Variants in AFF3 observed in about 807,000 individuals in gnomAD.
AFF3 encodes the protein AF4/FMR2 family member 3.
In AFF3, 32 loss-of-function variants were observed where a neutral mutation model predicts 129.7. The ratio of observed to expected loss-of-function variants is 0.25; its 90% CI spans 0.19 to 0.33. The LOEUF (loss-of-function observed/expected upper bound fraction) is 0.33. Among genes scored for constraint, AFF3 ranks in the 10% least tolerant of loss-of-function variants. The pLI, the probability that AFF3 is intolerant of heterozygous loss-of-function variation, is 1.00. For missense variants in AFF3, 1,373 were observed against 1,592.0 expected, an observed-to-expected ratio of 0.86 and a Z score of 2.34; for synonymous variants, 644 against 635.4, an observed-to-expected ratio of 1.01 and a Z score of -0.20.
chr2:99,701,297 GC>G (rs1676837213), intron 11 of AFF3, among the ~76,000 whole-genome samples: 1 of 151,036 alleles, frequency 6.6e-6, no homozygotes, highest in Non-Finnish European at 1.5e-5. Context: ...GCCTCCTAAT[GC>G]CCAGGAAGCA....
intron 11 of AFF3, chr2:99,707,525 G>A (rs1176286586): frequency 1.0e-6 from 1 of 984,870 alleles, no homozygotes; most frequent in Admixed American, 6.2e-5. Context: ...CTGAAGTTAG[G>A]TAGCCTTCTT....
intron 11 of AFF3, among the ~76,000 whole-genome samples, chr2:99,716,082 C>A (rs1214749729): frequency 6.6e-6 from 1 of 152,122 alleles, no homozygotes; most frequent in African/African-American, 2.4e-5. Context: ...GTGTAATTGA[C>A]CCTTGACTTG....
intron 11 of AFF3, among the ~76,000 whole-genome samples, chr2:99,704,418 C>A (rs1033781121): frequency 6.6e-6 from 1 of 152,134 alleles, no homozygotes; most frequent in Non-Finnish European, 1.5e-5. Flanking sequence ...CCACGTGGCA[C>A]TCTGTAGACA....
At chr2:99,611,536 T>C (rs1680919856) in intron 13 of AFF3, among the ~76,000 whole-genome samples, 2 of 152,146 alleles carry the variant, frequency 1.3e-5, no homozygotes, top group Admixed American at 6.5e-5. Flanking sequence ...GCTTTGCTGA[T>C]GGAGAGGGGG....
chr2:99,968,735 G>C (rs1246134535), intron 7 of AFF3, among the ~76,000 whole-genome samples: 1 of 152,196 alleles, frequency 6.6e-6, no homozygotes, highest in African/African-American at 2.4e-5. Flanking sequence ...CCATGGTTAA[G>C]TTTGGTTTGT....
chr2:99,754,620 G>A (rs1292223871), intron 8 of AFF3, among the ~76,000 whole-genome samples: 1 of 152,190 alleles, frequency 6.6e-6, no homozygotes, highest in Non-Finnish European at 1.5e-5. Flanking sequence ...ATGAGTAACA[G>A]TACTTTCAAA....
intron 4 of AFF3, among the ~76,000 whole-genome samples, chr2:100,035,162 G>A (rs1407083926): frequency 6.6e-6 from 1 of 152,182 alleles, no homozygotes; most frequent in Non-Finnish European, 1.5e-5. Context: ...GAATCACACA[G>A]ATGCACAAAG....
At chr2:99,724,199 C>G (rs1333742242) in intron 11 of AFF3, among the ~76,000 whole-genome samples, 1 of 150,182 alleles carries the variant, frequency 6.7e-6, no homozygotes, top group Admixed American at 6.7e-5. Flanking sequence ...CCCACACCCC[C>G]TCTTGGTATG....
intron 8 of AFF3, among the ~76,000 whole-genome samples, chr2:99,796,856 CA>C (rs1438294942): frequency 6.6e-6 from 1 of 152,142 alleles, no homozygotes; most frequent in African/African-American, 2.4e-5. Context: ...TTATAATTAA[CA>C]GGGCATTGGA....
chr2:100,111,515 T>C (rs1409834309), intron 2 of AFF3, among the ~76,000 whole-genome samples: 1 of 152,230 alleles, frequency 6.6e-6, no homozygotes, highest in Non-Finnish European at 1.5e-5. Flanking sequence ...TTCATGTTAT[T>C]TGTTAACCTG....
intron 11 of AFF3, among the ~76,000 whole-genome samples, chr2:99,684,380 G>A (rs1042249629): frequency 1.3e-5 from 2 of 152,172 alleles, no homozygotes; most frequent in Non-Finnish European, 2.9e-5. Context: ...TCCCCCTGCA[G>A]CTGTCCAGTT....
At chr2:99,874,754 T>C (rs1321359419) in intron 7 of AFF3, among the ~76,000 whole-genome samples, 1 of 152,158 alleles carries the variant, frequency 6.6e-6, no homozygotes, top group African/African-American at 2.4e-5. Flanking sequence ...GATTATATAA[T>C]AGTATTATAT....
In AFF3 at chr2:99,706,650, C is replaced by A. The variant is rs1208158731; in HGVS notation, c.1091+20427G>T. ...GACTATAGAAAAGGCAATAATAGTT[C>A]ATATTTCACTGATTAGAAAAAAATA... On this transcript the variant is annotated intron_variant, in intron 11 of 24. Coordinates refer to ENST00000672756, the MANE Select transcript of AFF3 (RefSeq NM_001386135.1). Among the ~76,000 whole-genome samples, 5 of 152,160 alleles carry A rather than the reference C, an allele frequency of 3.3e-5. No homozygotes were observed. In the East Asian group the frequency reaches 9.6e-4, roughly 29 times the overall value.
intron 7 of AFF3, among the ~76,000 whole-genome samples, chr2:99,995,084 G>C (rs1680713778): frequency 6.6e-6 from 1 of 152,194 alleles, no homozygotes; most frequent in East Asian, 1.9e-4. Context: ...AAGAAAGGAA[G>C]GGGCACTTTG....
chr2:100,013,182 A>T (rs1185466995), intron 4 of AFF3, among the ~76,000 whole-genome samples: 1 of 152,252 alleles, frequency 6.6e-6, no homozygotes, highest in Non-Finnish European at 1.5e-5. Flanking sequence ...GGTATCTTGT[A>T]GAGCTCCAGC....
At position 100,016,579 on chromosome 2, in the gene AFF3, T is replaced by C. The variant is rs1370738429; in HGVS notation, c.54-7647A>G. Among the ~76,000 whole-genome samples the C allele has an allele frequency of 4.4e-4, 66 of 149,644 alleles. 1 individual carries two copies. The highest frequency in any genetic ancestry group is 4.2e-3 in the Admixed American group (63 of 15,142). On this transcript the variant is annotated intron_variant, in intron 4 of 24. Transcript: ENST00000672756. The stretch of plus-strand genomic sequence containing the variant: ...ATAGTATTGGTGGTGAACATGTTAG[T>C]GACAGTAGTGATGGTGGTGGTGGTA...
intron 11 of AFF3, among the ~76,000 whole-genome samples, chr2:99,705,903 C>T (rs1453363021): frequency 3.0e-5 from 4 of 134,408 alleles, no homozygotes; most frequent in African/African-American, 5.4e-5. Flanking sequence ...AAAAAAAACA[C>T]GCCCTTTGGG....
intron 7 of AFF3, among the ~76,000 whole-genome samples, chr2:99,949,865 A>C (rs893838733): frequency 1.3e-5 from 2 of 152,228 alleles, no homozygotes; most frequent in African/African-American, 4.8e-5. Context: ...AGGCAGAAGA[A>C]AAGATAAACT....
At chr2:99,591,600 A>G (rs1678689335) in intron 15 of AFF3, among the ~76,000 whole-genome samples, 3 of 152,214 alleles carry the variant, frequency 2.0e-5, no homozygotes. Context: ...CAAGAAATAT[A>G]TTCATCGTGG....
Sources: allele counts gnomAD v4.1 joint callset (sites outside exome capture counted in the v4.1 genomes callset), GRCh38; gene constraint gnomAD v4.1.1; transcripts MANE v1.5; gene names NCBI Gene and HGNC (gene_info 2026-07-23, HGNC 2026-07-21).